XIRP2: variants seen among roughly 807,000 people sequenced by gnomAD.
The protein encoded by XIRP2 is xin actin-binding repeat-containing protein 2.
XIRP2 carries 236 observed loss-of-function variants against 277.0 expected under a neutral mutation model. That is an observed-to-expected ratio of 0.85 (90% CI 0.77 to 0.95). The LOEUF (loss-of-function observed/expected upper bound fraction) is 0.95. XIRP2 is among the 40% of genes least tolerant of loss of function. The pLI is 0.00. For synonymous variants in XIRP2, 1,490 were observed against 1,416.5 expected (o/e 1.05, Z -1.17); for missense variants, 4,640 against 4,157.5 (o/e 1.12, Z -3.19).
At chr2:167,108,992 G>A (rs1462288456) in intron 2 of XIRP2, among the ~76,000 whole-genome samples, 1 of 151,874 alleles carries the variant, frequency 6.6e-6, no homozygotes, top group Non-Finnish European at 1.5e-5. Flanking sequence ...GTACCCAATA[G>A]GTACTTTTTC....
At chr2:166,957,967 C>T (rs1574114219) in intron 2 of XIRP2, among the ~76,000 whole-genome samples, 1 of 151,804 alleles carries the variant, frequency 6.6e-6, no homozygotes, top group African/African-American at 2.4e-5. Flanking sequence ...TTGCTAGCTA[C>T]TTCCTGAGTG....
chr2:167,201,186 GAGAGAAAGAAAGAAAGAA>G (rs1356543368), intron 3 of XIRP2, among the ~76,000 whole-genome samples: 41 of 116,720 alleles, frequency 3.5e-4, no homozygotes, highest in African/African-American at 8.0e-4. Flanking sequence ...GAAAGAGAGA[GAGAGAAAGAAAGAAAGAA>G]AGAAAGAAAG....
chr2:166,916,810 C>T (rs1317008121), intron 2 of XIRP2, among the ~76,000 whole-genome samples: 2 of 152,102 alleles, frequency 1.3e-5, no homozygotes, highest in African/African-American at 2.4e-5. Context: ...GCAACTTTCT[C>T]ATTGTATAAA....
intron 2 of XIRP2, among the ~76,000 whole-genome samples, chr2:167,011,386 G>A (rs1343756664): frequency 9.9e-5 from 15 of 150,952 alleles, no homozygotes; most frequent in Admixed American, 7.3e-4. Flanking sequence ...ATTGATTTGT[G>A]TATATTGAAC....
intron 2 of XIRP2, among the ~76,000 whole-genome samples, chr2:167,078,238 A>G (rs1456380472): frequency 2.6e-5 from 4 of 152,138 alleles, no homozygotes; most frequent in Non-Finnish European, 5.9e-5. Context: ...GTGTGTAGCT[A>G]TTGTAAATGG....
rs73970207 is a variant in XIRP2, at chr2:166,985,833, T to C, written c.408+81943T>C. Among the ~76,000 whole-genome samples the C allele has an allele frequency of 6.3e-3, 959 of 152,152 alleles. 15 individuals carry two copies. The highest frequency in any genetic ancestry group is 0.022 in the African/African-American group (909 of 41,498). Reference sequence around the variant, plus strand: ...GAAAAAAAAACCCATAATAACACTCTTAGGGGTCAGTCTCCCAAAGAGGGA... The same window carrying C: ...GAAAAAAAAACCCATAATAACACTCCTAGGGGTCAGTCTCCCAAAGAGGGA... On this transcript the variant is annotated intron_variant, in intron 2 of 10. Transcript: ENST00000409195.
At chr2:167,121,016 G>C (rs761593553) in intron 2 of XIRP2, among the ~76,000 whole-genome samples, 2 of 152,134 alleles carry the variant, frequency 1.3e-5, no homozygotes, top group Admixed American at 6.6e-5. Flanking sequence ...AAAAGTGAGT[G>C]ATATTATTGT....
intron 2 of XIRP2, among the ~76,000 whole-genome samples, chr2:167,025,255 G>A (rs1376121345): frequency 1.3e-5 from 2 of 152,150 alleles, no homozygotes; most frequent in Non-Finnish European, 2.9e-5. Flanking sequence ...GGTGTTTGTA[G>A]TATTCTCTGA....
chr2:167,032,686 A>G (rs948895014), intron 2 of XIRP2, among the ~76,000 whole-genome samples: 2 of 152,188 alleles, frequency 1.3e-5, no homozygotes, highest in Admixed American at 1.3e-4. Flanking sequence ...CCAAAAATAT[A>G]TGAAAAAAAG....
intron 2 of XIRP2, among the ~76,000 whole-genome samples, chr2:166,946,484 T>A (rs1574104548): frequency 1.3e-5 from 2 of 152,318 alleles, no homozygotes; most frequent in South Asian, 4.1e-4. Flanking sequence ...TGGCTCTTAT[T>A]CTAATTTAGA....
intron 2 of XIRP2, among the ~76,000 whole-genome samples, chr2:166,956,024 G>A (rs1216598984): frequency 6.6e-6 from 1 of 151,626 alleles, no homozygotes; most frequent in Non-Finnish European, 1.5e-5. Context: ...AAATTTTACT[G>A]CCAGCATTAT....
intron 2 of XIRP2, among the ~76,000 whole-genome samples, chr2:167,058,285 C>T (rs1009304524): frequency 6.6e-6 from 1 of 151,878 alleles, no homozygotes; most frequent in African/African-American, 2.4e-5. Flanking sequence ...CGGGGTTTCG[C>T]CATGTTCCCC....
At chr2:166,986,555 T>C (rs934539839) in intron 2 of XIRP2, among the ~76,000 whole-genome samples, 7 of 152,236 alleles carry the variant, frequency 4.6e-5, no homozygotes, top group African/African-American at 1.7e-4. Flanking sequence ...AACCAGTTAT[T>C]ATCTGCCTTT....
chr2:166,949,811 A>T (rs996461165), intron 2 of XIRP2, among the ~76,000 whole-genome samples: 7 of 152,084 alleles, frequency 4.6e-5, no homozygotes, highest in Non-Finnish European at 7.4e-5. Flanking sequence ...CTTAATATAA[A>T]ATGTGTCATA....
At chr2:166,925,234 G>T (rs1429674827) in intron 2 of XIRP2, among the ~76,000 whole-genome samples, 1 of 151,922 alleles carries the variant, frequency 6.6e-6, no homozygotes, top group Non-Finnish European at 1.5e-5. Flanking sequence ...TAGTATAAAA[G>T]GCATATGAAG....
chr2:166,997,724 G>A (rs1344824622), intron 2 of XIRP2, among the ~76,000 whole-genome samples: 4 of 151,994 alleles, frequency 2.6e-5, no homozygotes, highest in Non-Finnish European at 5.9e-5. Context: ...GGCCAACATG[G>A]TGAAACCCCA....
In XIRP2 at chr2:167,243,121, A is replaced by G. The variant is rs1312296187; in HGVS notation, c.1729A>G (p.Ile577Val). The change falls in exon 9 of 11, where the codon ATT (isoleucine) becomes GTT (valine). Residue 577 changes from isoleucine to valine, a missense_variant. Transcript: ENST00000409195. Reference sequence around the variant, plus strand: ...AATTCTGAAGGGAGAGGTGCAGTCCATTAGATGGATCTTTGAGAATCAACC... The same window carrying G: ...AATTCTGAAGGGAGAGGTGCAGTCCGTTAGATGGATCTTTGAGAATCAACC... ...DEILKGEVQS[I>V]RWIFENQPLD... The G allele has an allele frequency of 1.1e-5, 17 of 1,614,028 alleles. No individual in the cohort carries two copies. The highest frequency in any genetic ancestry group is 1.4e-5 in the Non-Finnish European group (17 of 1,180,010).
In XIRP2 at chr2:167,246,847, G is replaced by T. The variant is rs1056003810; in HGVS notation, c.5455G>T (p.Val1819Phe). ...TGGAGATGTGCATAACACAGTTAAG[G>T]TTTTTATGACCGAGCCTCAGAGTAC... Reference protein sequence around the residue: ...IPGDVHNTVKVFMTEPQSTFG... With the variant: ...IPGDVHNTVKFFMTEPQSTFG... Residue 1819 changes from valine to phenylalanine, a missense_variant, in exon 9 of 11, where the codon GTT (valine) becomes TTT (phenylalanine). Transcript: ENST00000409195. The T allele has an allele frequency of 8.7e-6, 14 of 1,613,708 alleles. No homozygotes were observed. The highest frequency in any genetic ancestry group is 1.0e-5 in the Non-Finnish European group (12 of 1,179,862).
chr2:167,010,226 C>A (rs1232911963), intron 2 of XIRP2, among the ~76,000 whole-genome samples: 1 of 151,938 alleles, frequency 6.6e-6, no homozygotes, highest in East Asian at 1.9e-4. Context: ...GTCTTTAATC[C>A]ATCTTGAATT....
Sources: allele counts gnomAD v4.1 joint callset (sites outside exome capture counted in the v4.1 genomes callset), GRCh38; gene constraint gnomAD v4.1.1; transcripts MANE v1.5; gene names NCBI Gene and HGNC (gene_info 2026-07-23, HGNC 2026-07-21).